Variants in BMP7 observed in about 807,000 individuals in gnomAD.
The protein encoded by BMP7 is bone morphogenetic protein 7, also known as osteogenic protein 1.
In BMP7, 12 loss-of-function variants were observed where a neutral mutation model predicts 41.2. The ratio of observed to expected loss-of-function variants is 0.29; its 90% CI spans 0.19 to 0.47. The LOEUF (loss-of-function observed/expected upper bound fraction) is 0.47. Among genes scored for constraint, BMP7 ranks in the 20% least tolerant of loss-of-function variants. The probability of loss-of-function intolerance (pLI) is 0.99; values close to 1 mark genes in which losing one functional copy is unlikely to be tolerated. For missense variants in BMP7, 467 were observed against 606.0 expected, an observed-to-expected ratio of 0.77 and a Z score of 2.41; for synonymous variants, 248 against 250.0, an observed-to-expected ratio of 0.99 and a Z score of 0.07.
chr20:57,258,877 C>A (rs1316332596), intron 1 of BMP7, among the ~76,000 whole-genome samples: 1 of 152,152 alleles, frequency 6.6e-6, no homozygotes, highest in Admixed American at 6.5e-5. Flanking sequence ...CAACGTAAAT[C>A]TTCATCTGGC....
intron 2 of BMP7, among the ~76,000 whole-genome samples, chr20:57,207,802 C>T (rs1007792992): frequency 4.0e-5 from 6 of 150,446 alleles, no homozygotes; most frequent in Admixed American, 2.7e-4. Flanking sequence ...CATCCCCATA[C>T]CCCAGTTGGT....
chr20:57,193,105 A>G (rs988436635), intron 3 of BMP7, among the ~76,000 whole-genome samples: 4 of 152,000 alleles, frequency 2.6e-5, no homozygotes, highest in African/African-American at 9.7e-5. Flanking sequence ...TGCTTTTGGA[A>G]GTCTTAGTTT....
chr20:57,198,989 T>C (rs1459999186), intron 3 of BMP7, among the ~76,000 whole-genome samples: 1 of 152,174 alleles, frequency 6.6e-6, no homozygotes, highest in Non-Finnish European at 1.5e-5. Context: ...GTTGCAAGGT[T>C]CAGGTGACCC....
At chr20:57,193,394 G>C (rs1421137772) in intron 3 of BMP7, among the ~76,000 whole-genome samples, 1 of 152,070 alleles carries the variant, frequency 6.6e-6, no homozygotes, top group South Asian at 2.1e-4. Flanking sequence ...AACATCCTAC[G>C]ATGCATAGGA....
chr20:57,185,631 G>T (rs1984192052), intron 3 of BMP7, among the ~76,000 whole-genome samples: 1 of 152,230 alleles, frequency 6.6e-6, no homozygotes, highest in African/African-American at 2.4e-5. Context: ...GGGCAGCAGA[G>T]GTCTGGCCTA....
rs914728229 is a variant in BMP7 at position 57,230,094 on chromosome 20, T to C, written c.419-1673A>G. On this transcript the variant is annotated intron_variant, in intron 1 of 6. Transcript: ENST00000395863. ...CTTTGAACCACAGCTGCTAGAATCC[T>C]GGGCCATATATGGAGAGCTGGCGGG... 2.4e-4 allele frequency among the ~76,000 whole-genome samples: 37 copies of C among 152,278 alleles called. 1 individual carries two copies. The highest frequency in any genetic ancestry group is 8.4e-4 in the African/African-American group (35 of 41,558).
At position 57,169,102 on chromosome 20, in the gene BMP7, T is replaced by C. The variant is rs1418356391; in HGVS notation, c.*1857A>G. 1.3e-5 allele frequency: 2 copies of C among 152,134 alleles called. No homozygotes were observed. Among genetic ancestry groups the C allele is most frequent in the Non-Finnish European group, 2.9e-5 (2 of 68,034 alleles). The allele number at this position is 152,134 out of a possible 1,614,324, so 9.4% of individuals were successfully genotyped here. On this transcript the variant is annotated 3_prime_UTR_variant, in exon 7 of 7. Coordinates refer to ENST00000395863, the MANE Select transcript of BMP7 (RefSeq NM_001719.3). ...GGGATCACACAAAAAGCCCCAGCTC[T>C]GCCAGCAAATGAAACCAAACATAAC...
At chr20:57,201,110 T>C (rs1984609188) in intron 3 of BMP7, among the ~76,000 whole-genome samples, 1 of 152,244 alleles carries the variant, frequency 6.6e-6, no homozygotes, top group African/African-American at 2.4e-5. Context: ...CAGACTCCTC[T>C]GCCCCAGGCC....
rs1232765766 is a variant in BMP7 at position 57,174,882 on chromosome 20, G to A, written c.1035+49C>T. ...AGCACAGACCCGCTGCCTCGTGGGA[G>A]CCCACGCCAGAGGGCCCACACCCAA... On this transcript the variant is annotated intron_variant, in intron 5 of 6. Transcript: ENST00000395863. This position sits in a 1 kb window ranked among gnomAD's most constrained non-coding sequence, Gnocchi z 4.3. The A allele has an allele frequency of 1.9e-6, 3 of 1,569,702 alleles. No individual in the cohort carries two copies. Among genetic ancestry groups the A allele is most frequent in the Non-Finnish European group, 2.6e-6 (3 of 1,153,316 alleles).
chr20:57,205,792 G>A (rs1055861311), intron 2 of BMP7, among the ~76,000 whole-genome samples: 1 of 152,144 alleles, frequency 6.6e-6, no homozygotes, highest in Admixed American at 6.6e-5. Flanking sequence ...ATGACACTGA[G>A]GCCAGATGCT....
intron 1 of BMP7, among the ~76,000 whole-genome samples, chr20:57,255,799 CAAAAAAAAAAAA>C (rs3067106): frequency 2.7e-4 from 13 of 48,624 alleles, no homozygotes; most frequent in Admixed American, 1.8e-3. Flanking sequence ...GACTCCATCT[CAAAAAAAAAAAA>C]AAAAAAAAAA....
At chr20:57,260,147 A>G (rs761545842) in intron 1 of BMP7, among the ~76,000 whole-genome samples, 4 of 152,228 alleles carry the variant, frequency 2.6e-5, no homozygotes, top group Non-Finnish European at 4.4e-5. Flanking sequence ...TGCCCAGTAC[A>G]TGACCCTTGC....
intron 2 of BMP7, among the ~76,000 whole-genome samples, chr20:57,216,110 A>C (rs1234390567): frequency 1.3e-5 from 2 of 152,136 alleles, no homozygotes; most frequent in Non-Finnish European, 2.9e-5. Flanking sequence ...TCTAAGACTT[A>C]TTCTCACGGT....
At chr20:57,221,244 G>T (rs1010905471) in intron 2 of BMP7, among the ~76,000 whole-genome samples, 1 of 152,124 alleles carries the variant, frequency 6.6e-6, no homozygotes, top group Non-Finnish European at 1.5e-5. Flanking sequence ...CTTCCGAGGG[G>T]TGGAAAAAGA....
At chr20:57,241,009 A>G (rs1169008736) in intron 1 of BMP7, among the ~76,000 whole-genome samples, 1 of 152,184 alleles carries the variant, frequency 6.6e-6, no homozygotes, top group African/African-American at 2.4e-5. Flanking sequence ...CTTCACATGT[A>G]TATATCATCT....
Position 57,202,463 on chromosome 20 carries a change from CG to C in BMP7, c.760+11del. ...AGGCTGCATTAGGACTGGCAGTGGC[CG>C]GGGGACTCACCATCCAGCGTCTCCA... On this transcript the variant is annotated intron_variant, in intron 3 of 6. Coordinates refer to ENST00000395863, the MANE Select transcript of BMP7 (RefSeq NM_001719.3). The C allele has an allele frequency of 1.9e-6, 3 of 1,602,332 alleles. No homozygotes were observed.
chr20:57,200,956 G>A (rs968207599), intron 3 of BMP7, among the ~76,000 whole-genome samples: 2 of 152,202 alleles, frequency 1.3e-5, no homozygotes, highest in East Asian at 1.9e-4. Context: ...AGCTGGGTAT[G>A]TCAGTTTTGG....
chr20:57,176,749 T>TACACACACAC (rs773367826), intron 4 of BMP7, among the ~76,000 whole-genome samples: 1 of 28,174 alleles, frequency 3.5e-5, no homozygotes. Context: ...ACATTCTCCA[T>TACACACACAC]TCACACACAC....
At chr20:57,173,874 C>G (rs546107452) in intron 5 of BMP7, among the ~76,000 whole-genome samples, 1 of 152,324 alleles carries the variant, frequency 6.6e-6, no homozygotes, top group East Asian at 1.9e-4. Flanking sequence ...AATGGCATCA[C>G]CCATGCTGGC....
Sources: allele counts gnomAD v4.1 joint callset (sites outside exome capture counted in the v4.1 genomes callset), GRCh38; gene constraint gnomAD v4.1.1; non-coding constraint Gnocchi (gnomAD v3.1); transcripts MANE v1.5; gene names NCBI Gene and HGNC (gene_info 2026-07-23, HGNC 2026-07-21).